Variants in LTBP1 observed in about 807,000 individuals in gnomAD.
LTBP1 encodes the protein latent transforming growth factor beta binding protein 1.
LTBP1 carries 129 observed loss-of-function variants against 207.6 expected under a neutral mutation model. The observed-to-expected ratio is 0.62, with a 90% confidence interval of 0.54 to 0.72. The LOEUF (loss-of-function observed/expected upper bound fraction) is 0.72, where lower values mean the gene tolerates loss of function less well. Among genes scored for constraint, LTBP1 ranks in the 30% least tolerant of loss-of-function variants. The pLI, the probability that LTBP1 is intolerant of heterozygous loss-of-function variation, is 0.00. For missense variants in LTBP1, 2,281 were observed against 2,217.2 expected (o/e 1.03, Z -0.58); for synonymous variants, 963 against 833.7 (o/e 1.16, Z -2.67).
intron 24 of LTBP1, chr2:33,317,825 G>C (rs1288263868): frequency 6.6e-6 from 1 of 152,236 alleles, no homozygotes; most frequent in East Asian, 1.9e-4. Context: ...ACTTGGAGAA[G>C]TGTCAGCATC....
At chr2:33,034,809 G>A (rs1483859369) in intron 3 of LTBP1, among the ~76,000 whole-genome samples, 1 of 151,906 alleles carries the variant, frequency 6.6e-6, no homozygotes, top group African/African-American at 2.4e-5. Flanking sequence ...GAATAAATAC[G>A]CAATATGGAA....
At chr2:33,182,111 C>G (rs1364142503) in intron 5 of LTBP1, among the ~76,000 whole-genome samples, 1 of 151,986 alleles carries the variant, frequency 6.6e-6, no homozygotes, top group Non-Finnish European at 1.5e-5. Context: ...GTTATAAATA[C>G]TGGACTTTTA....
chr2:33,133,613 G>T lies in LTBP1; in HGVS notation c.1034-1180G>T, dbSNP rs116982184. The stretch of plus-strand genomic sequence containing the variant: ...GGGCAGGTCTGGGTGAAGCAGAACT[G>T]CACAGAGACAGTGCAGTTCTGCCGT... On this transcript the variant is annotated intron_variant, in intron 4 of 33. Transcript: ENST00000404816. Among the ~76,000 whole-genome samples the T allele has an allele frequency of 7.2e-5, 11 of 152,282 alleles. No homozygotes were observed. In the East Asian group the frequency reaches 2.1e-3, roughly 29 times the overall value.
At chr2:33,133,092 A>G (rs2081916812) in intron 4 of LTBP1, among the ~76,000 whole-genome samples, 1 of 152,202 alleles carries the variant, frequency 6.6e-6, no homozygotes. Flanking sequence ...GATACGTGGA[A>G]TGCAAACAGT....
chr2:33,032,698 A>G (rs1283017503), intron 3 of LTBP1, among the ~76,000 whole-genome samples: 1 of 152,226 alleles, frequency 6.6e-6, no homozygotes, highest in Non-Finnish European at 1.5e-5. Context: ...TTGCATATGT[A>G]TTTGATACTA....
chr2:33,093,332 T>C (rs1196316455), intron 3 of LTBP1, among the ~76,000 whole-genome samples: 1 of 152,178 alleles, frequency 6.6e-6, no homozygotes, highest in African/African-American at 2.4e-5. Context: ...TTTCCCCTGC[T>C]CTCCCTCCTA....
At chr2:33,043,219 A>G (rs1014803202) in intron 3 of LTBP1, among the ~76,000 whole-genome samples, 3 of 152,206 alleles carry the variant, frequency 2.0e-5, no homozygotes, top group Admixed American at 6.5e-5. Context: ...GGTATACATT[A>G]AAGTAGTGGG....
At chr2:33,215,717 T>TTTG (rs1459574127) in intron 7 of LTBP1, among the ~76,000 whole-genome samples, 3 of 117,312 alleles carry the variant, frequency 2.6e-5, no homozygotes, top group South Asian at 2.6e-4. Context: ...TTTTCTTTTG[T>TTTG]TTTTTGTTTT....
chr2:33,260,188 A>G (rs1268681030), intron 13 of LTBP1, among the ~76,000 whole-genome samples: 1 of 152,186 alleles, frequency 6.6e-6, no homozygotes, highest in Non-Finnish European at 1.5e-5. Flanking sequence ...TAGGAAATGT[A>G]AACATTTACT....
At chr2:33,089,767 A>G (rs1336948016) in intron 3 of LTBP1, among the ~76,000 whole-genome samples, 1 of 152,180 alleles carries the variant, frequency 6.6e-6, no homozygotes, top group Non-Finnish European at 1.5e-5. Flanking sequence ...GTTTTTAAAA[A>G]CTGATGATTT....
Position 33,365,456 on chromosome 2 carries a change from G to C in LTBP1, c.4664G>C (p.Gly1555Ala), listed in dbSNP as rs1379566935. The change falls in exon 31 of 34, where the codon GGA becomes GCA. Residue 1555 changes from glycine to alanine, a missense_variant. This residue lies in a region of LTBP1 where 1,671 missense variants were observed against 1,634.8 expected (regional missense o/e 1.02). Coordinates refer to ENST00000404816, the MANE Select transcript of LTBP1 (RefSeq NM_206943.4). ...TACACTGAGTGCTGCTGTCTGTATG[G>C]AGAGGCCTGGGGCATGCAGTGTGCC... ...TTYTECCCLY[G>A]EAWGMQCALC... 1 of 1,614,066 alleles carries C rather than the reference G, an allele frequency of 6.2e-7. No homozygotes were observed.
intron 26 of LTBP1, among the ~76,000 whole-genome samples, chr2:33,352,635 C>G (rs1027222819): frequency 2.0e-5 from 3 of 152,182 alleles, no homozygotes; most frequent in Non-Finnish European, 2.9e-5. Context: ...GCAGTAGCCT[C>G]CTACCTTCTC....
intron 2 of LTBP1, among the ~76,000 whole-genome samples, chr2:33,003,684 TG>T (rs2149000522): frequency 6.6e-6 from 1 of 152,358 alleles, no homozygotes; most frequent in South Asian, 2.1e-4. Flanking sequence ...AGTGTAGCTC[TG>T]GGCATCCATT....
intron 3 of LTBP1, among the ~76,000 whole-genome samples, chr2:33,032,933 T>C (rs927610289): frequency 2.6e-5 from 4 of 152,230 alleles, no homozygotes; most frequent in Non-Finnish European, 4.4e-5. Flanking sequence ...ATCAGCTTTA[T>C]GTTCAGATTA....
At chr2:33,030,366 A>G (rs1409384262) in intron 3 of LTBP1, among the ~76,000 whole-genome samples, 4 of 152,140 alleles carry the variant, frequency 2.6e-5, no homozygotes, top group African/African-American at 9.7e-5. Context: ...CCCCTGCCCC[A>G]TTTATGAAGC....
At chr2:33,136,111 T>G (rs1205867353) in intron 5 of LTBP1, among the ~76,000 whole-genome samples, 3 of 152,228 alleles carry the variant, frequency 2.0e-5, no homozygotes, top group Non-Finnish European at 4.4e-5. Flanking sequence ...CAAAGCATAT[T>G]TTTGATCGTC....
intron 10 of LTBP1, among the ~76,000 whole-genome samples, chr2:33,248,586 ATT>A (rs201927841): frequency 0.02 from 2,831 of 140,592 alleles, 34 homozygotes; most frequent in East Asian, 0.024. Flanking sequence ...TTCTCCACGA[ATT>A]TTTTTTTTTT....
At chr2:33,254,975 G>A in intron 11 of LTBP1, among the ~76,000 whole-genome samples, 1 of 130,002 alleles carries the variant, frequency 7.7e-6, no homozygotes, top group Non-Finnish European at 1.6e-5. Context: ...TGTGCACATT[G>A]TGCAGGTTAG....
At chr2:33,139,844 GA>G (rs1323099167) in intron 5 of LTBP1, among the ~76,000 whole-genome samples, 1 of 152,208 alleles carries the variant, frequency 6.6e-6, no homozygotes, top group African/African-American at 2.4e-5. Flanking sequence ...TGGGACACAT[GA>G]AAGGTAATAA....
Sources: allele counts gnomAD v4.1 joint callset (sites outside exome capture counted in the v4.1 genomes callset), GRCh38; gene constraint gnomAD v4.1.1; regional missense constraint gnomAD v4.1.1; transcripts MANE v1.5; gene names NCBI Gene and HGNC (gene_info 2026-07-23, HGNC 2026-07-21).